The following PKD2L1 variants were observed in gnomAD, a reference collection of about 807,000 sequenced individuals.
PKD2L1 encodes polycystin 2 like 1, transient receptor potential cation channel.
Under a neutral mutation model 93.0 loss-of-function variants are expected in PKD2L1, and 77 were observed. That is an observed-to-expected ratio of 0.83 (90% CI 0.69 to 1.00). PKD2L1 has a LOEUF of 1.00. Among genes scored for constraint, PKD2L1 ranks in the 50% least tolerant of loss-of-function variants. PKD2L1 has a pLI of 0.00. For synonymous variants in PKD2L1, 390 were observed against 388.0 expected (o/e 1.01, Z -0.06); for missense variants, 977 against 990.9 (o/e 0.99, Z 0.19).
At chr10:100,321,904 C>CAAGGAAGG (rs71013443) in intron 2 of PKD2L1, among the ~76,000 whole-genome samples, 284 of 9,478 alleles carry the variant, frequency 0.03, 124 homozygotes, top group South Asian at 0.065. Context: ...GGGAAGGAAG[C>CAAGGAAGG]AAGGAAGGAA....
At chr10:100,311,860 A>G (rs893651380) in intron 2 of PKD2L1, among the ~76,000 whole-genome samples, 1 of 152,164 alleles carries the variant, frequency 6.6e-6, no homozygotes, top group African/African-American at 2.4e-5. Flanking sequence ...ACTATTATAT[A>G]TACACTTTTT....
At chr10:100,294,906 G>A in intron 8 of PKD2L1, 36 bp downstream of exon 8, 1 of 1,575,734 alleles carries the variant, frequency 6.3e-7, no homozygotes. Context: ...TGGAGGGTGA[G>A]GGGCCAGGGA....
At chr10:100,321,535 G>A (rs190108405) in intron 2 of PKD2L1, among the ~76,000 whole-genome samples, 13 of 148,826 alleles carry the variant, frequency 8.7e-5, no homozygotes, top group African/African-American at 2.7e-4. Flanking sequence ...TTAGCAGGGT[G>A]TGGTGGTGTG....
intron 2 of PKD2L1, among the ~76,000 whole-genome samples, chr10:100,314,973 A>AG (rs1464776683): frequency 1.1e-3 from 12 of 11,138 alleles, no homozygotes; most frequent in African/African-American, 1.4e-3. Context: ...GAAGGAAGGA[A>AG]GGAAGGAAGG....
chr10:100,320,650 A>G (rs1849206388), intron 2 of PKD2L1, among the ~76,000 whole-genome samples: 1 of 152,248 alleles, frequency 6.6e-6, no homozygotes, highest in African/African-American at 2.4e-5. Flanking sequence ...CACATTATAA[A>G]TTAAAGCATG....
At chr10:100,295,179 A>T (rs1848500184) in intron 7 of PKD2L1, 56 bp from the exon 8 acceptor site, 2 of 1,486,656 alleles carry the variant, frequency 1.3e-6, no homozygotes. Context: ...AAGCATTGAA[A>T]AGTCCATGCC....
intron 15 of PKD2L1, among the ~76,000 whole-genome samples, 200 bp downstream of exon 15, chr10:100,288,772 G>C (rs563074182): frequency 6.6e-6 from 1 of 152,250 alleles, no homozygotes; most frequent in East Asian, 1.9e-4. Flanking sequence ...GCAACACACA[G>C]AAACACTGAT....
chr10:100,294,768 G>A, intron 8 of PKD2L1, 113 bp from the exon 9 acceptor site: 1 of 1,466,002 alleles, frequency 6.8e-7, no homozygotes, highest in Non-Finnish European at 9.4e-7. Context: ...ATAGACACAG[G>A]GCAGGGTGCT....
rs568653943 is a variant in PKD2L1, at chr10:100,328,143, C to A, written c.349+1068G>T. On this transcript the variant is annotated intron_variant, in intron 2 of 15. Coordinates refer to ENST00000318222, the MANE Select transcript of PKD2L1 (RefSeq NM_016112.3). ...ACTATATTAAACTAGGCAAACATCA[C>A]TTGTGCAACTTTTGAAAGAAGTAAT... is the stretch of plus-strand genomic sequence containing the variant. Among the ~76,000 whole-genome samples, 198 of 152,326 alleles carry A rather than the reference C, an allele frequency of 1.3e-3. 1 individual carries two copies. Among genetic ancestry groups the A allele is most frequent in the South Asian group, 6.8e-3 (33 of 4,828 alleles).
intron 2 of PKD2L1, among the ~76,000 whole-genome samples, chr10:100,323,142 G>A (rs771620985): frequency 6.6e-6 from 1 of 152,156 alleles, no homozygotes; most frequent in Non-Finnish European, 1.5e-5. Flanking sequence ...TTCACTTAAA[G>A]GTCTGATGTC....
At chr10:100,322,909 G>A (rs1317790650) in intron 2 of PKD2L1, among the ~76,000 whole-genome samples, 1 of 152,230 alleles carries the variant, frequency 6.6e-6, no homozygotes, top group Non-Finnish European at 1.5e-5. Flanking sequence ...GTGGCCTTGA[G>A]CAAGCTGTTT....
intron 2 of PKD2L1, among the ~76,000 whole-genome samples, chr10:100,315,729 T>G (rs1204388789): frequency 6.6e-6 from 1 of 152,204 alleles, no homozygotes; most frequent in Non-Finnish European, 1.5e-5. Flanking sequence ...TACGCCTTTT[T>G]CCTCTTACTT....
At chr10:100,325,371 AC>A in intron 2 of PKD2L1, among the ~76,000 whole-genome samples, 1 of 152,132 alleles carries the variant, frequency 6.6e-6, no homozygotes, top group Non-Finnish European at 1.5e-5. Context: ...CTTGGAGAGC[AC>A]CGAAGTGGCC....
chr10:100,291,497 CT>C, intron 11 of PKD2L1, 70 bp from the exon 12 acceptor site: 2 of 1,537,466 alleles, frequency 1.3e-6, no homozygotes, highest in Non-Finnish European at 1.8e-6. Flanking sequence ...GACTTCCTCA[CT>C]CTTTTGCTTG....
chr10:100,321,738 AGAAAGAAAGAAAGAAAGAAG>A (rs1372335596), intron 2 of PKD2L1, among the ~76,000 whole-genome samples: 500 of 8,560 alleles, frequency 0.058, 56 homozygotes, highest in Non-Finnish European at 0.095. Context: ...AAAGAAAGAA[AGAAAGAAAGAAAGAAAGAAG>A]GGAGGGAGGG....
chr10:100,327,832 A>C (rs962138142), intron 2 of PKD2L1, among the ~76,000 whole-genome samples: 1 of 152,228 alleles, frequency 6.6e-6, no homozygotes, highest in Non-Finnish European at 1.5e-5. Context: ...ACAAACACAG[A>C]GGACTGTCCC....
chr10:100,289,398 G>A (rs559607059), intron 14 of PKD2L1, among the ~76,000 whole-genome samples: 1 of 152,152 alleles, frequency 6.6e-6, no homozygotes, highest in Non-Finnish European at 1.5e-5. Context: ...AATTAGCTGG[G>A]TATGGTGGCA....
intron 2 of PKD2L1, 62 bp downstream of exon 2, chr10:100,329,149 C>T (rs3829159): frequency 0.81 from 1,216,928 of 1,505,542 alleles, 497,057 homozygotes; most frequent in Admixed American, 0.84. Flanking sequence ...AATGTTTATA[C>T]ATATAGTGCA....
chr10:100,300,279 G>A (rs550522287), intron 2 of PKD2L1, among the ~76,000 whole-genome samples: 24 of 152,192 alleles, frequency 1.6e-4, no homozygotes, highest in African/African-American at 5.3e-4. Context: ...TGACTAGTAC[G>A]ATCAGATGGG....
Sources: allele counts gnomAD v4.1 joint callset (sites outside exome capture counted in the v4.1 genomes callset), GRCh38; gene constraint gnomAD v4.1.1; transcripts MANE v1.5; gene names NCBI Gene and HGNC (gene_info 2026-07-23, HGNC 2026-07-21).